The following KALRN variants were observed in gnomAD, a reference collection of about 807,000 sequenced individuals.
The protein encoded by KALRN is kalirin.
In KALRN, 70 loss-of-function variants were observed where a neutral mutation model predicts 353.7. The observed-to-expected ratio is 0.20, with a 90% CI of 0.16 to 0.24. KALRN has a LOEUF of 0.24. Ranked by LOEUF, KALRN falls within the 10% of genes least tolerant of loss-of-function variation. The pLI, the probability that KALRN is intolerant of heterozygous loss-of-function variation, is 1.00. For synonymous variants in KALRN, 1,391 were observed against 1,434.8 expected (o/e 0.97, Z 0.69); for missense variants, 2,791 against 3,756.7 (o/e 0.74, Z 6.72).
At chr3:124,315,048 A>C (rs2078675350) in intron 6 of KALRN, among the ~76,000 whole-genome samples, 1 of 152,132 alleles carries the variant, frequency 6.6e-6, no homozygotes, top group Non-Finnish European at 1.5e-5. Flanking sequence ...TGTCCCCCTG[A>C]CCCAAACAAG....
At chr3:124,508,558 AT>A (rs1374108244) in intron 33 of KALRN, among the ~76,000 whole-genome samples, 1 of 152,200 alleles carries the variant, frequency 6.6e-6, no homozygotes, top group Non-Finnish European at 1.5e-5. Flanking sequence ...ACCACAATGT[AT>A]CCATTCTGTA....
intron 13 of KALRN, chr3:124,410,271 C>T (rs1204942647): frequency 5.6e-6 from 3 of 533,042 alleles, no homozygotes; most frequent in Admixed American, 1.9e-5. Context: ...CTTCCTGCAG[C>T]AAATAGATAC....
chr3:124,084,622 C>G (rs2060712516), intron 1 of KALRN, among the ~76,000 whole-genome samples: 1 of 152,208 alleles, frequency 6.6e-6, no homozygotes, highest in African/African-American at 2.4e-5. Context: ...CAAGGGAGCC[C>G]AAGTACTAGC....
At chr3:124,441,694 T>C (rs1025365442) in intron 18 of KALRN, among the ~76,000 whole-genome samples, 3 of 151,922 alleles carry the variant, frequency 2.0e-5, no homozygotes, top group Non-Finnish European at 4.4e-5. Context: ...GGTGTGGCGG[T>C]GGGCACCTGT....
chr3:124,082,263 A>G (rs1392249767), intron 1 of KALRN: 1 of 471,164 alleles, frequency 2.1e-6, no homozygotes. Context: ...GGCAACTAGT[A>G]TGGAAAACAT....
intron 33 of KALRN, among the ~76,000 whole-genome samples, chr3:124,502,551 A>G (rs1053370923): frequency 3.9e-5 from 6 of 152,234 alleles, no homozygotes; most frequent in Non-Finnish European, 7.3e-5. Flanking sequence ...TCAATCCCCA[A>G]CTAGGTACCA....
intron 11 of KALRN, among the ~76,000 whole-genome samples, chr3:124,393,846 C>G (rs59286899): frequency 6.6e-6 from 1 of 152,090 alleles, no homozygotes; most frequent in Non-Finnish European, 1.5e-5. Context: ...TCTCTTCTGC[C>G]GCATCTAGGG....
chr3:124,595,229 C>T (rs2076167193), intron 34 of KALRN, among the ~76,000 whole-genome samples: 1 of 151,470 alleles, frequency 6.6e-6, no homozygotes, highest in Admixed American at 6.6e-5. Context: ...GTGTTACAAA[C>T]TGTTTTCACC....
chr3:124,617,192 G>A (rs1340017916), intron 34 of KALRN, among the ~76,000 whole-genome samples: 1 of 152,036 alleles, frequency 6.6e-6, no homozygotes, highest in Non-Finnish European at 1.5e-5. Context: ...AAATTAGCTG[G>A]GCATGGTGGC....
chr3:124,456,512 T>G, intron 22 of KALRN, 98 bp from the exon 23 acceptor site: 3 of 725,424 alleles, frequency 4.1e-6, no homozygotes, highest in Non-Finnish European at 7.3e-6. Context: ...TCCTTCTCCA[T>G]TATATCTTTT....
intron 1 of KALRN, among the ~76,000 whole-genome samples, chr3:124,047,545 T>C (rs2040597812): frequency 6.8e-6 from 1 of 147,694 alleles, no homozygotes; most frequent in African/African-American, 2.5e-5. Context: ...CAGGCTGGAG[T>C]GCAGTGGCGC....
chr3:124,146,890 A>AAAAAAAAAAAAAG (rs1441074306), intron 1 of KALRN, among the ~76,000 whole-genome samples: 5 of 150,508 alleles, frequency 3.3e-5, no homozygotes, highest in Non-Finnish European at 5.9e-5. Flanking sequence ...AAAAAAAAAA[A>AAAAAAAAAAAAAG]AAAAGAAAAG....
chr3:124,165,681 C>G (rs1343308008), intron 1 of KALRN, among the ~76,000 whole-genome samples: 1 of 152,248 alleles, frequency 6.6e-6, no homozygotes, highest in Non-Finnish European at 1.5e-5. Context: ...AGCTCCTGTA[C>G]TTTGTAATGG....
intron 38 of KALRN, among the ~76,000 whole-genome samples, chr3:124,652,376 T>C (rs2083511490): frequency 6.6e-6 from 1 of 152,134 alleles, no homozygotes; most frequent in Non-Finnish European, 1.5e-5. Flanking sequence ...AGTTGGTAAA[T>C]GGAATAGAGG....
intron 51 of KALRN, among the ~76,000 whole-genome samples, chr3:124,681,882 G>C (rs1304362808): frequency 6.6e-6 from 1 of 151,956 alleles, no homozygotes; most frequent in Admixed American, 6.6e-5. Flanking sequence ...TGCCTGCCTT[G>C]GCCTCCCAAA....
chr3:124,363,864 C>T (rs983250804), intron 10 of KALRN, among the ~76,000 whole-genome samples: 1 of 152,216 alleles, frequency 6.6e-6, no homozygotes, highest in Admixed American at 6.5e-5. Flanking sequence ...AAGTTTAGGT[C>T]AGTAGGACTT....
intron 57 of KALRN, among the ~76,000 whole-genome samples, chr3:124,709,017 C>T (rs1293923503): frequency 6.6e-6 from 1 of 151,970 alleles, no homozygotes. Context: ...ACCAAGAATT[C>T]TAAATCTAGC....
At chr3:124,344,815 G>A (rs1276369796) in intron 9 of KALRN, among the ~76,000 whole-genome samples, 1 of 152,048 alleles carries the variant, frequency 6.6e-6, no homozygotes, top group Non-Finnish European at 1.5e-5. Context: ...AAGTGATGAA[G>A]GCATAGCCAA....
chr3:124,715,063 G>A (rs188700705), intron 58 of KALRN, among the ~76,000 whole-genome samples: 53 of 151,368 alleles, frequency 3.5e-4, no homozygotes, highest in Non-Finnish European at 5.7e-4. Context: ...TTTTGCCCTC[G>A]AGGAGTTACA....
Sources: gnomAD v4.1 joint callset for allele counts (sites outside exome capture counted in the v4.1 genomes callset) on GRCh38, gnomAD v4.1.1 for gene constraint, MANE v1.5 for transcripts, NCBI Gene and HGNC (gene_info 2026-07-23, HGNC 2026-07-21) for gene names.